The following BST1 variants were observed in gnomAD, a reference collection of about 807,000 sequenced individuals.
BST1 encodes ADP-ribosyl cyclase/cyclic ADP-ribose hydrolase 2.
BST1 carries 49 observed loss-of-function variants against 40.6 expected under a neutral mutation model. The ratio of observed to expected loss-of-function variants is 1.21; its 90% CI spans 0.96 to 1.53. The LOEUF (loss-of-function observed/expected upper bound fraction) is 1.53. BST1 is among the 40% of genes most tolerant of loss of function. BST1 has a pLI of 0.00. For missense variants in BST1, 423 were observed against 395.9 expected, an observed-to-expected ratio of 1.07 and a Z score of -0.58; for synonymous variants, 157 against 159.3, an observed-to-expected ratio of 0.99 and a Z score of 0.11.
At chr4:15,740,919 G>A (rs112787536), downstream of BST1, among the ~76,000 whole-genome samples, 2,123 of 151,838 alleles carry the variant, frequency 0.014, 58 homozygotes, top group African/African-American at 0.049. Flanking sequence ...AACCTCTGTC[G>A]CAACTACTCA....
chr4:15,727,808 T>C (rs955456138), intron 8 of BST1, among the ~76,000 whole-genome samples: 1 of 152,028 alleles, frequency 6.6e-6, no homozygotes, highest in African/African-American at 2.4e-5. Context: ...TATGCTCAAA[T>C]ATGTTCTCCA....
intron 7 of BST1, among the ~76,000 whole-genome samples, chr4:15,720,321 A>G (rs1720741019): frequency 6.6e-6 from 1 of 152,138 alleles, no homozygotes; most frequent in Non-Finnish European, 1.5e-5. Context: ...TACATTTTAA[A>G]AAACATTCAA....
chr4:15,708,987 T>C (rs1720039652), intron 3 of BST1, among the ~76,000 whole-genome samples: 2 of 152,230 alleles, frequency 1.3e-5, no homozygotes, highest in Non-Finnish European at 2.9e-5. Context: ...ACCCTCATCT[T>C]CTAGACAGTA....
At chr4:15,771,278 A>G in the BST1 span, among the ~76,000 whole-genome samples, 2 of 152,230 alleles carry the variant, frequency 1.3e-5, no homozygotes, top group Admixed American at 1.3e-4. Context: ...AGATGAGAAA[A>G]TAGAAATTAA....
At chr4:15,768,535 G>A in the BST1 span, among the ~76,000 whole-genome samples, 3 of 141,420 alleles carry the variant, frequency 2.1e-5, no homozygotes, top group East Asian at 4.2e-4. Context: ...CACCCAGGCC[G>A]GACTGCGGAC....
At position 15,718,917 on chromosome 4, in the gene BST1, G is replaced by A. The variant is rs34163939; in HGVS notation, c.715G>A (p.Gly239Arg). Residue 239 changes from glycine to arginine, a missense_variant, in exon 7 of 9, where the codon GGG becomes AGG. Transcript: ENST00000265016. ...ATTTTCATGTTTTAGGGAATCCTGC[G>A]GGGAAGGCAGCATGAAAGTCCTGGA... Reference protein sequence around the residue: ...EIGGPNVESCGEGSMKVLEKR... With the variant: ...EIGGPNVESCREGSMKVLEKR... The A allele has an allele frequency of 4.0e-3, 6,421 of 1,613,784 alleles. 186 individuals carry two copies. The African/African-American group carries it at 0.071, about 18-fold the overall frequency.
downstream of BST1, among the ~76,000 whole-genome samples, chr4:15,736,438 T>C (rs1351437199): frequency 1.3e-5 from 2 of 152,054 alleles, no homozygotes; most frequent in African/African-American, 4.8e-5. Flanking sequence ...GGTGAAACCC[T>C]GTATGTACTA....
At chr4:15,727,029 T>C (rs919073225) in intron 8 of BST1, among the ~76,000 whole-genome samples, 3 of 152,260 alleles carry the variant, frequency 2.0e-5, no homozygotes, top group African/African-American at 7.2e-5. Context: ...CACTTTGCAG[T>C]GTCAGGCTTC....
At chr4:15,705,705 G>A in intron 2 of BST1, 64 bp downstream of exon 2, 3 of 1,582,104 alleles carry the variant, frequency 1.9e-6, no homozygotes, top group Non-Finnish European at 1.7e-6. Flanking sequence ...GATGGTGCAT[G>A]GGCCAGGTTG....
chr4:15,763,102 GA>G, the BST1 span, among the ~76,000 whole-genome samples: 2 of 151,724 alleles, frequency 1.3e-5, no homozygotes, highest in Admixed American at 1.3e-4. Flanking sequence ...TTTTTGAAAA[GA>G]AAAAAATTAT....
intron 6 of BST1, among the ~76,000 whole-genome samples, chr4:15,717,794 G>A (rs973399725): frequency 6.6e-6 from 1 of 152,216 alleles, no homozygotes; most frequent in Non-Finnish European, 1.5e-5. Context: ...CAACTGGCAG[G>A]TCAGCAAGAG....
At chr4:15,748,494 G>A in the BST1 span, among the ~76,000 whole-genome samples, 1 of 152,170 alleles carries the variant, frequency 6.6e-6, no homozygotes, top group Non-Finnish European at 1.5e-5. Context: ...CATAGGCAAA[G>A]ATGTCCCCAT....
chr4:15,739,554 C>CGT (rs58171340), downstream of BST1, among the ~76,000 whole-genome samples: 11,866 of 143,846 alleles, frequency 0.082, 608 homozygotes, highest in East Asian at 0.2. Flanking sequence ...GAAGCCAAAC[C>CGT]GTGTGTGTGT....
At chr4:15,755,873 C>T in the BST1 span, among the ~76,000 whole-genome samples, 1 of 152,084 alleles carries the variant, frequency 6.6e-6, no homozygotes, top group East Asian at 1.9e-4. Flanking sequence ...GTTTCTTATT[C>T]CAGCTTATAT....
the BST1 span, among the ~76,000 whole-genome samples, chr4:15,769,988 T>A: frequency 6.6e-6 from 1 of 151,918 alleles, no homozygotes; most frequent in African/African-American, 2.4e-5. Flanking sequence ...TACAGGTGTG[T>A]GCCACTGCGC....
At chr4:15,750,862 T>C in the BST1 span, among the ~76,000 whole-genome samples, 1 of 152,196 alleles carries the variant, frequency 6.6e-6, no homozygotes, top group African/African-American at 2.4e-5. Context: ...TATATATGGC[T>C]CATATTATAT....
chr4:15,731,007 G>T, intron 8 of BST1: 1 of 609,704 alleles, frequency 1.6e-6, no homozygotes, highest in Non-Finnish European at 2.7e-6. Flanking sequence ...CGATATATAA[G>T]GCCCGGACAT....
At chr4:15,735,678 C>T (rs1390781863), downstream of BST1, among the ~76,000 whole-genome samples, 1 of 152,144 alleles carries the variant, frequency 6.6e-6, no homozygotes, top group African/African-American at 2.4e-5. Flanking sequence ...TGTCTCAGGA[C>T]CGTCTGGCTC....
downstream of BST1, among the ~76,000 whole-genome samples, chr4:15,735,125 C>T (rs1721508213): frequency 6.6e-6 from 1 of 152,178 alleles, no homozygotes; most frequent in African/African-American, 2.4e-5. Context: ...GTTGGTCTCT[C>T]TGTGTTGATT....
Sources: gnomAD v4.1 joint callset for allele counts (sites outside exome capture counted in the v4.1 genomes callset) on GRCh38, gnomAD v4.1.1 for gene constraint, MANE v1.5 for transcripts, NCBI Gene and HGNC (gene_info 2026-07-23, HGNC 2026-07-21) for gene names.